Variants in AFG1L observed in about 807,000 individuals in gnomAD.
AFG1L encodes AFG1-like ATPase.
A neutral mutation model predicts 62.2 loss-of-function variants in AFG1L; 53 were observed. The observed-to-expected ratio is 0.85, with a 90% CI of 0.68 to 1.07. The LOEUF (loss-of-function observed/expected upper bound fraction) is 1.07. Among genes scored for constraint, AFG1L ranks in the 50% least tolerant of loss-of-function variants. The probability of loss-of-function intolerance (pLI) is 0.00; values close to 1 mark genes in which losing one functional copy is unlikely to be tolerated. For missense variants in AFG1L, 555 were observed against 590.5 expected (o/e 0.94, Z 0.62); for synonymous variants, 228 against 210.3 (o/e 1.08, Z -0.73).
At chr6:108,355,979 T>C (rs1301797819) in intron 4 of AFG1L, among the ~76,000 whole-genome samples, 22 of 152,214 alleles carry the variant, frequency 1.4e-4, no homozygotes, top group Admixed American at 1.4e-3. Flanking sequence ...GAGATTGCTG[T>C]ATGAAGCTCA....
chr6:108,393,072 C>G (rs1781129017), intron 6 of AFG1L, among the ~76,000 whole-genome samples: 1 of 151,938 alleles, frequency 6.6e-6, no homozygotes. Flanking sequence ...AATGAATGTC[C>G]CATAATTCTA....
chr6:108,423,554 G>A (rs1005856397), intron 7 of AFG1L, among the ~76,000 whole-genome samples: 8 of 152,086 alleles, frequency 5.3e-5, no homozygotes, highest in African/African-American at 1.9e-4. Context: ...TATTATATTA[G>A]GGGTGCTTGG....
intron 11 of AFG1L, among the ~76,000 whole-genome samples, chr6:108,512,030 G>A (rs773615138): frequency 7.7e-4 from 118 of 152,262 alleles, no homozygotes; most frequent in Non-Finnish European, 1.1e-3. Context: ...GATCTATGGG[G>A]TGGGAAATCC....
intron 7 of AFG1L, among the ~76,000 whole-genome samples, chr6:108,421,425 G>T (rs1770583310): frequency 6.6e-6 from 1 of 152,148 alleles, no homozygotes. Context: ...AAGCTGGTCA[G>T]AAAAGGGAAT....
chr6:108,308,670 TGAA>T lies in AFG1L; in HGVS notation c.139+13457_139+13459del, dbSNP rs770518968. Among the ~76,000 whole-genome samples, 8 of 151,980 alleles carry T rather than the reference TGAA, an allele frequency of 5.3e-5. No individual in the cohort carries two copies. In the East Asian group the frequency reaches 7.7e-4, roughly 15 times the overall value. ...CTAGGACTCTAGGGTTGTGCCCAGA[TGAA>T]GAAGTTCTAAATTTTATTTATTTTA... is the stretch of plus-strand genomic sequence containing the variant. On this transcript the variant is annotated intron_variant, in intron 1 of 12. Transcript: ENST00000368977.
At chr6:108,327,521 A>G (rs1778096958) in intron 2 of AFG1L, among the ~76,000 whole-genome samples, 1 of 152,164 alleles carries the variant, frequency 6.6e-6, no homozygotes, top group South Asian at 2.1e-4. Flanking sequence ...CTGTCTTTTC[A>G]CTGTGTCCTC....
rs185460605 is a variant in AFG1L at position 108,392,430 on chromosome 6, T to C, written c.749-9566T>C. Among the ~76,000 whole-genome samples, 939 of 152,328 alleles carry C rather than the reference T, an allele frequency of 6.2e-3. 10 individuals are homozygous for C. Among genetic ancestry groups the C allele is most frequent in the African/African-American group, 0.02 (845 of 41,584 alleles). ...TAGACTTGGGTCTTACTTATTATGATTTGTGTACAGTGCCTGGCAAATTGT... is the reference window on the plus strand; with the variant it reads ...TAGACTTGGGTCTTACTTATTATGACTTGTGTACAGTGCCTGGCAAATTGT... On this transcript the variant is annotated intron_variant, in intron 6 of 12. Coordinates refer to ENST00000368977, the MANE Select transcript of AFG1L (RefSeq NM_145315.5).
At position 108,399,828 on chromosome 6, in the gene AFG1L, G is replaced by A. The variant is rs547372305; in HGVS notation, c.749-2168G>A. Among the ~76,000 whole-genome samples the A allele has an allele frequency of 2.0e-3, 286 of 142,220 alleles. 1 individual carries two copies. The highest frequency in any genetic ancestry group is 0.017 in the Middle Eastern group (4 of 242). The allele number at this position is 142,220 out of a possible 152,430, so 93.3% of individuals were successfully genotyped here. ...AGGTCTCATTCTGTTGCCCAGGCTG[G>A]AGTGCAGTGGCAAGATCTTGGCCCA... is the stretch of plus-strand genomic sequence containing the variant. On this transcript the variant is annotated intron_variant, in intron 6 of 12. Transcript: ENST00000368977.
At chr6:108,492,110 G>A (rs1373772516) in intron 10 of AFG1L, among the ~76,000 whole-genome samples, 2 of 152,000 alleles carry the variant, frequency 1.3e-5, no homozygotes, top group East Asian at 3.9e-4. Context: ...TTTTCATTTT[G>A]GGATCCTAAA....
At chr6:108,507,770 T>C (rs1484388814) in intron 10 of AFG1L, among the ~76,000 whole-genome samples, 2 of 152,238 alleles carry the variant, frequency 1.3e-5, no homozygotes, top group Admixed American at 1.3e-4. Context: ...AGAGTCTTAA[T>C]GTATGAGTTT....
chr6:108,426,511 T>A (rs1034834074), intron 7 of AFG1L, among the ~76,000 whole-genome samples: 11 of 152,162 alleles, frequency 7.2e-5, no homozygotes, highest in Non-Finnish European at 1.5e-4. Context: ...CTTCTACTTT[T>A]CTTTTCTTTT....
chr6:108,493,727 A>T (rs577829307), intron 10 of AFG1L, among the ~76,000 whole-genome samples: 1 of 152,162 alleles, frequency 6.6e-6, no homozygotes. Context: ...CATGTCGTGG[A>T]TATGCTTTTG....
At chr6:108,506,250 A>G (rs1229488020) in intron 10 of AFG1L, among the ~76,000 whole-genome samples, 1 of 152,196 alleles carries the variant, frequency 6.6e-6, no homozygotes, top group Non-Finnish European at 1.5e-5. Flanking sequence ...TCTGTCGACC[A>G]GGCTCGAGTG....
intron 10 of AFG1L, among the ~76,000 whole-genome samples, chr6:108,489,398 G>C (rs1305776320): frequency 2.6e-5 from 4 of 152,236 alleles, no homozygotes; most frequent in Non-Finnish European, 4.4e-5. Context: ...GGAGGAGACA[G>C]AGTTTGGAGC....
rs151290240 is a variant in AFG1L, at chr6:108,424,858, G to A, written c.808-22356G>A. Among the ~76,000 whole-genome samples the A allele has an allele frequency of 4.6e-3, 700 of 152,214 alleles. 6 individuals are homozygous for A. The highest frequency in any genetic ancestry group is 0.024 in the East Asian group (127 of 5,188). On this transcript the variant is annotated intron_variant, in intron 7 of 12. Transcript: ENST00000368977. The stretch of plus-strand genomic sequence containing the variant: ...GTGTTTACAAGTTTCAGAGGTTGAT[G>A]AAACTGGAGTTTTGTTTTGCCTTTT...
Position 108,324,000 on chromosome 6 carries a change from C to G in AFG1L, c.315C>G (p.His105Gln). 6.2e-7 allele frequency: 1 copy of G among 1,614,108 alleles called. No individual in the cohort carries two copies. Among genetic ancestry groups the G allele is most frequent in the Non-Finnish European group, 8.5e-7 (1 of 1,179,984 alleles). ...TCATACAGTGTTTGCAGAAATTACA[C>G]GAGGACCTTAAAGGATACAATATAG... Reference protein sequence around the residue: ...RRVIQCLQKLHEDLKGYNIEA... With the variant: ...RRVIQCLQKLQEDLKGYNIEA... Residue 105 changes from histidine to glutamine, a missense_variant, in exon 2 of 13, where the codon CAC (histidine) becomes CAG (glutamine). His to Gln is a conservative substitution (Grantham distance 24, BLOSUM62 0). Coordinates refer to ENST00000368977, the MANE Select transcript of AFG1L (RefSeq NM_145315.5).
At chr6:108,320,632 T>C (rs1777781158) in intron 1 of AFG1L, among the ~76,000 whole-genome samples, 2 of 152,176 alleles carry the variant, frequency 1.3e-5, no homozygotes, top group Non-Finnish European at 2.9e-5. Flanking sequence ...TTCTATTATC[T>C]TCTTGCTTAT....
At chr6:108,471,472 T>C (rs1215690904) in intron 8 of AFG1L, among the ~76,000 whole-genome samples, 21 of 28,958 alleles carry the variant, frequency 7.3e-4, no homozygotes, top group South Asian at 5.2e-3. Context: ...CTTCTTCTTT[T>C]TTTTTTTTTT....
chr6:108,514,760 A>T (rs905674566), intron 11 of AFG1L, among the ~76,000 whole-genome samples: 1 of 152,202 alleles, frequency 6.6e-6, no homozygotes, highest in Non-Finnish European at 1.5e-5. Context: ...CCCATCTCAC[A>T]TGCAGAGACA....
Sources: gnomAD v4.1 joint callset for allele counts (sites outside exome capture counted in the v4.1 genomes callset) on GRCh38, gnomAD v4.1.1 for gene constraint, MANE v1.5 for transcripts, NCBI Gene and HGNC (gene_info 2026-07-23, HGNC 2026-07-21) for gene names.